The following AQR variants were observed in gnomAD, a reference collection of about 807,000 sequenced individuals.
The protein encoded by AQR is aquarius intron-binding spliceosomal factor, also known as RNA helicase aquarius.
In AQR, 61 loss-of-function variants were observed where a neutral mutation model predicts 180.5. The observed-to-expected ratio is 0.34, with a 90% confidence interval of 0.28 to 0.42. The LOEUF (loss-of-function observed/expected upper bound fraction) is 0.42, where lower values mean the gene tolerates loss of function less well. AQR is among the 10% of genes least tolerant of loss of function. The pLI, the probability that AQR is intolerant of heterozygous loss-of-function variation, is 1.00. For missense variants in AQR, 1,281 were observed against 1,798.3 expected (o/e 0.71, Z 5.20); for synonymous variants, 551 against 588.8 (o/e 0.94, Z 0.93).
intron 2 of AQR, among the ~76,000 whole-genome samples, chr15:34,962,822 A>T (rs1422314639): frequency 1.3e-5 from 2 of 152,180 alleles, no homozygotes; most frequent in Non-Finnish European, 2.9e-5. Flanking sequence ...ATATATTCGT[A>T]AGAATTTAAG....
chr15:34,911,815 T>G (rs965467601), intron 16 of AQR, among the ~76,000 whole-genome samples: 1 of 152,186 alleles, frequency 6.6e-6, no homozygotes, highest in African/African-American at 2.4e-5. Context: ...ATTTACTTAT[T>G]TTTGCTTTTG....
chr15:34,969,527 G>A lies in AQR; in HGVS notation c.75+12C>T, dbSNP rs2050332411. 11 of 1,613,192 alleles carry A rather than the reference G, an allele frequency of 6.8e-6. No homozygotes were observed. The highest frequency in any genetic ancestry group is 9.3e-6 in the Non-Finnish European group (11 of 1,179,940). On this transcript the variant is annotated intron_variant, in intron 1 of 34. Coordinates refer to ENST00000156471, the MANE Select transcript of AQR (RefSeq NM_014691.3). ...ATACCCACTCACACACACCAGACTC[G>A]CCCGAGCTCACCTGGGTCACGAACT...
chr15:34,885,470 T>C lies in AQR; in HGVS notation c.2818-736A>G, dbSNP rs1333044066. ...TCCACCTCTATTGAATGAGAAGCTATAGGAACAAGGGCTAGGGAATTTAAC... is the reference window on the plus strand; with the variant it reads ...TCCACCTCTATTGAATGAGAAGCTACAGGAACAAGGGCTAGGGAATTTAAC... On this transcript the variant is annotated intron_variant, in intron 25 of 34. Coordinates refer to ENST00000156471, the MANE Select transcript of AQR (RefSeq NM_014691.3). Among the ~76,000 whole-genome samples the C allele has an allele frequency of 2.6e-5, 4 of 152,192 alleles. No homozygotes were observed. The East Asian group carries it at 5.8e-4, about 22-fold the overall frequency.
intron 15 of AQR, 97 bp downstream of exon 15, chr15:34,918,161 A>G: frequency 7.8e-7 from 1 of 1,277,538 alleles, no homozygotes; most frequent in Non-Finnish European, 1.1e-6. Context: ...CCTAATGTAC[A>G]GAGTAGACTC....
intron 27 of AQR, among the ~76,000 whole-genome samples, chr15:34,880,070 C>T (rs908574539): frequency 6.6e-6 from 1 of 152,040 alleles, no homozygotes; most frequent in Non-Finnish European, 1.5e-5. Flanking sequence ...AAATGTAAAA[C>T]AAAATACATT....
At chr15:34,878,566 A>G (rs1174547272) in intron 27 of AQR, among the ~76,000 whole-genome samples, 1 of 152,150 alleles carries the variant, frequency 6.6e-6, no homozygotes, top group Non-Finnish European at 1.5e-5. Context: ...ATTCTGATAC[A>G]TTTCCTTCTA....
At chr15:34,946,662 G>A (rs1185939717) in intron 5 of AQR, among the ~76,000 whole-genome samples, 44 of 144,678 alleles carry the variant, frequency 3.0e-4, no homozygotes, top group Non-Finnish European at 4.9e-4. Context: ...ACTGGAAAGT[G>A]AGGAGCCCCT....
At chr15:34,858,119 GA>G (rs1426609930) in intron 34 of AQR, among the ~76,000 whole-genome samples, 1 of 151,960 alleles carries the variant, frequency 6.6e-6, no homozygotes, top group Non-Finnish European at 1.5e-5. Context: ...AAGTAGCTGG[GA>G]TTACAGACAT....
chr15:34,926,537 G>A (rs952579607), intron 13 of AQR, among the ~76,000 whole-genome samples: 14 of 152,168 alleles, frequency 9.2e-5, no homozygotes, highest in African/African-American at 3.4e-4. Context: ...TAGCATGAAT[G>A]TTTTCAGAGT....
chr15:34,944,479 CT>C (rs780786368), intron 5 of AQR, 51 bp from the exon 6 acceptor site: 42 of 1,518,834 alleles, frequency 2.8e-5, no homozygotes, highest in Non-Finnish European at 2.9e-5. Flanking sequence ...CTCACTTAAG[CT>C]TTAAAGAAGC....
At chr15:34,909,746 T>C (rs1468309760) in intron 17 of AQR, among the ~76,000 whole-genome samples, 1 of 152,336 alleles carries the variant, frequency 6.6e-6, no homozygotes, top group Non-Finnish European at 1.5e-5. Flanking sequence ...GTATGTTATA[T>C]GTGGGCTTTC....
At chr15:34,878,253 G>A (rs1013141374) in intron 27 of AQR, among the ~76,000 whole-genome samples, 1 of 151,882 alleles carries the variant, frequency 6.6e-6, no homozygotes, top group African/African-American at 2.4e-5. Context: ...GGGTGTGGTG[G>A]CACGTGCCTG....
In AQR at chr15:34,884,935, A is replaced by G. The variant is rs552447457; in HGVS notation, c.2818-201T>C. On this transcript the variant is annotated intron_variant, in intron 25 of 34. Coordinates refer to ENST00000156471, the MANE Select transcript of AQR (RefSeq NM_014691.3). ...TATAAAAGTAACCTTGTCTTTGGAG[A>G]AAAAAAGGCTCTTTAATAACAAATT... Among the ~76,000 whole-genome samples, 8 of 152,306 alleles carry G rather than the reference A, an allele frequency of 5.3e-5. No individual in the cohort carries two copies. The South Asian group carries it at 1.0e-3, about 20-fold the overall frequency.
In AQR at chr15:34,870,882, T is replaced by A. The variant is rs763801725; in HGVS notation, c.3638A>T (p.Tyr1213Phe). ...EAEYVVALFM[Y>F]MCLLGYPADK... is the part of the protein sequence containing the mutation. ...AGCAGGGTAACCAAGTAAACACATG[T>A]ACATAAAAAGTGCTACTACATATTC... Residue 1213 changes from tyrosine to phenylalanine, a missense_variant, in exon 31 of 35, where the codon TAC becomes TTC. Around this residue, in one of 9 missense-constraint regions of AQR, gnomAD observed 197 missense variants for 320.7 expected, o/e 0.61. Transcript: ENST00000156471. The A allele has an allele frequency of 6.2e-7, 1 of 1,613,240 alleles. No homozygotes were observed. The highest frequency in any genetic ancestry group is 1.1e-5 in the South Asian group (1 of 91,018).
chr15:34,947,667 C>G (rs572467207), intron 5 of AQR, among the ~76,000 whole-genome samples: 2 of 151,822 alleles, frequency 1.3e-5, no homozygotes, highest in Non-Finnish European at 2.9e-5. Flanking sequence ...TAGAGACAGG[C>G]CTCGCTCTGT....
At chr15:34,878,385 C>CAAAA (rs5811839) in intron 27 of AQR, among the ~76,000 whole-genome samples, 6 of 41,652 alleles carry the variant, frequency 1.4e-4, no homozygotes, top group Admixed American at 2.7e-4. Context: ...GACTCTGTCT[C>CAAAA]AAAAAAAAAA....
chr15:34,942,151 T>C (rs899645504), intron 6 of AQR, 71 bp from the exon 7 acceptor site: 4 of 1,157,386 alleles, frequency 3.5e-6, no homozygotes, highest in African/African-American at 3.1e-5. Context: ...ACATAAGAAG[T>C]ATACTGCCTT....
intron 32 of AQR, chr15:34,863,342 A>T (rs1892697706): frequency 1.0e-5 from 2 of 200,354 alleles, no homozygotes; most frequent in South Asian, 2.9e-4. Flanking sequence ...ATTGTCAGTT[A>T]CTAACTTACT....
rs958585200 is a variant in AQR, at chr15:34,858,456, A to T, written c.4144-1350T>A. On this transcript the variant is annotated intron_variant, in intron 34 of 34. Coordinates refer to ENST00000156471, the MANE Select transcript of AQR (RefSeq NM_014691.3). Reference sequence around the variant, plus strand: ...TAAAGAAGATCTAAATAAACGAGAGATCTTATTCATGGATAGGAAGACTTA... The same window carrying T: ...TAAAGAAGATCTAAATAAACGAGAGTTCTTATTCATGGATAGGAAGACTTA... Among the ~76,000 whole-genome samples the T allele has an allele frequency of 7.9e-5, 12 of 152,292 alleles. No homozygotes were observed. The South Asian group carries it at 2.5e-3, about 32-fold the overall frequency.
Sources: gnomAD v4.1 joint callset for allele counts (sites outside exome capture counted in the v4.1 genomes callset) on GRCh38, gnomAD v4.1.1 for gene constraint, gnomAD v4.1.1 regional missense constraint, MANE v1.5 for transcripts, NCBI Gene and HGNC (gene_info 2026-07-23, HGNC 2026-07-21) for gene names.